PPDPFL: variants seen among roughly 807,000 people sequenced by gnomAD.
The protein encoded by PPDPFL is pancreatic progenitor cell differentiation and proliferation factor like, also known as pancreatic progenitor cell differentiation and proliferation factor-like protein.
PPDPFL carries 12 observed loss-of-function variants against 12.6 expected under a neutral mutation model. The ratio of observed to expected loss-of-function variants is 0.95; its 90% CI spans 0.61 to 1.54. The LOEUF is 1.54. PPDPFL is among the 40% of genes most tolerant of loss of function. The probability of loss-of-function intolerance (pLI) is 0.00; values close to 1 mark genes in which losing one functional copy is unlikely to be tolerated. For synonymous variants in PPDPFL, 24 were observed against 32.7 expected, an observed-to-expected ratio of 0.73 and a Z score of 0.91; for missense variants, 114 against 96.0, an observed-to-expected ratio of 1.19 and a Z score of -0.78.
chr8:49,074,871 T>C, intron 4 of PPDPFL: 1 of 1,390,796 alleles, frequency 7.2e-7, no homozygotes, highest in East Asian at 2.6e-5. Context: ...GACATTTGAA[T>C]GCCTAGTAAC....
At chr8:49,074,524 G>A in intron 4 of PPDPFL, 191 bp downstream of exon 4, 1 of 1,537,228 alleles carries the variant, frequency 6.5e-7, no homozygotes, top group East Asian at 2.4e-5. Flanking sequence ...CTGTCAGGAA[G>A]ATCATAGCAC....
chr8:49,061,997 G>A (rs1438945048), intron 1 of PPDPFL, among the ~76,000 whole-genome samples: 1 of 132,324 alleles, frequency 7.6e-6, no homozygotes, highest in African/African-American at 2.8e-5. Flanking sequence ...TTGCTTAAAA[G>A]GATGCACCAT....
intron 4 of PPDPFL, chr8:49,074,759 A>G (rs1307979462): frequency 1.4e-6 from 2 of 1,438,790 alleles, no homozygotes; most frequent in Non-Finnish European, 1.8e-6. Flanking sequence ...GACAGGTTGA[A>G]TTGGGAGTTT....
At chr8:49,057,681 C>T (rs1156982249) in intron 1 of PPDPFL, among the ~76,000 whole-genome samples, 1 of 152,054 alleles carries the variant, frequency 6.6e-6, no homozygotes, top group African/African-American at 2.4e-5. Context: ...TTTTAATGAT[C>T]AAGGGAAGTT....
At chr8:49,058,668 C>T (rs1175707762) in intron 1 of PPDPFL, among the ~76,000 whole-genome samples, 4 of 152,222 alleles carry the variant, frequency 2.6e-5, no homozygotes, top group East Asian at 1.9e-4. Flanking sequence ...GTTACTTCAG[C>T]GAAAAGTTTT....
chr8:49,061,297 G>T (rs1808198503), intron 1 of PPDPFL, among the ~76,000 whole-genome samples: 1 of 152,172 alleles, frequency 6.6e-6, no homozygotes. Flanking sequence ...AGGGAATTTG[G>T]ACACAGAGAC....
chr8:49,072,279 C>T (rs563529341), upstream of PPDPFL: 1 of 152,584 alleles, frequency 6.6e-6, no homozygotes, highest in East Asian at 1.9e-4. Context: ...TCCGAGTCAC[C>T]CACAGCTCAG....
At chr8:49,066,543 A>T (rs1808304097) in intron 1 of PPDPFL, among the ~76,000 whole-genome samples, 1 of 152,162 alleles carries the variant, frequency 6.6e-6, no homozygotes, top group South Asian at 2.1e-4. Context: ...GAAAAACAGG[A>T]TTTATCGGGA....
chr8:49,060,833 T>C (rs180913533), intron 1 of PPDPFL, among the ~76,000 whole-genome samples: 2 of 152,322 alleles, frequency 1.3e-5, no homozygotes, highest in African/African-American at 2.4e-5. Flanking sequence ...TAAACTTTTT[T>C]CCCTTAGCAT....
intron 4 of PPDPFL, 28 bp downstream of exon 4, chr8:49,074,361 C>T: frequency 5.6e-6 from 9 of 1,600,938 alleles, no homozygotes; most frequent in Non-Finnish European, 7.7e-6. Flanking sequence ...CTGGTAAGGG[C>T]AGTTCTTACT....
At chr8:49,066,879 T>C (rs538345303) in intron 1 of PPDPFL, among the ~76,000 whole-genome samples, 3 of 152,256 alleles carry the variant, frequency 2.0e-5, no homozygotes, top group Admixed American at 1.3e-4. Context: ...CCTCCTCCCG[T>C]GTCCTGGCTC....
At chr8:49,063,444 G>C (rs562686566) in intron 1 of PPDPFL, among the ~76,000 whole-genome samples, 25 of 152,310 alleles carry the variant, frequency 1.6e-4, no homozygotes, top group African/African-American at 5.8e-4. Context: ...AATGAGCTGG[G>C]CGTGGTGTCT....
rs1047605664 is a variant in PPDPFL at position 49,074,151 on chromosome 8, C to A, written c.133+15C>A. 2 of 1,606,076 alleles carry A rather than the reference C, an allele frequency of 1.2e-6. No homozygotes were observed. Among genetic ancestry groups the A allele is most frequent in the African/African-American group, 2.7e-5 (2 of 74,746 alleles). Reference sequence around the variant, plus strand: ...ACCACAGCAAGGTACTTAGTTATTTCTTTCAGTGTCATCCTTATTATTTCT... The same window carrying A: ...ACCACAGCAAGGTACTTAGTTATTTATTTCAGTGTCATCCTTATTATTTCT... On this transcript the variant is annotated intron_variant, in intron 3 of 4. Transcript: ENST00000522267.
intron 1 of PPDPFL, among the ~76,000 whole-genome samples, chr8:49,056,884 A>T (rs1356846336): frequency 1.3e-5 from 2 of 152,200 alleles, no homozygotes; most frequent in African/African-American, 4.8e-5. Context: ...GACATACAGT[A>T]GCCACTCATA....
At chr8:49,056,877 A>G (rs886701549) in intron 1 of PPDPFL, among the ~76,000 whole-genome samples, 2 of 152,348 alleles carry the variant, frequency 1.3e-5, no homozygotes, top group East Asian at 3.9e-4. Context: ...AGGGTGTGAC[A>G]TACAGTAGCC....
At chr8:49,073,756 G>C (rs939289376) in intron 2 of PPDPFL, among the ~76,000 whole-genome samples, 2 of 152,014 alleles carry the variant, frequency 1.3e-5, no homozygotes, top group African/African-American at 4.8e-5. Flanking sequence ...TCTTGGTCTT[G>C]TTCTTTCTTA....
intron 1 of PPDPFL, among the ~76,000 whole-genome samples, chr8:49,058,712 A>T (rs1808148862): frequency 6.6e-6 from 1 of 152,234 alleles, no homozygotes; most frequent in Non-Finnish European, 1.5e-5. Flanking sequence ...GCCAGATAAG[A>T]AAGACAACTG....
chr8:49,061,026 A>C (rs1808191916), intron 1 of PPDPFL, among the ~76,000 whole-genome samples: 1 of 152,004 alleles, frequency 6.6e-6, no homozygotes, highest in South Asian at 2.1e-4. Flanking sequence ...TCCTAGCAGT[A>C]GGGCTGGGCT....
In PPDPFL at chr8:49,074,327, C is replaced by A; in HGVS notation, c.227C>A (p.Ala76Asp). 1 of 1,613,592 alleles carries A rather than the reference C, an allele frequency of 6.2e-7. No homozygotes were observed. The highest frequency in any genetic ancestry group is 8.5e-7 in the Non-Finnish European group (1 of 1,179,508). The change falls in exon 4 of 5, where the codon GCT becomes GAT. Residue 76 changes from alanine (A) to aspartate (D), a missense_variant. Coordinates refer to ENST00000522267, the MANE Select transcript of PPDPFL (RefSeq NM_001256597.2). ...LSNVRIKDLS[A>D]TGLQMSTL ...AATGTGAGAATAAAAGATCTGTCTG[C>A]TACTGGGTGAGTTTTAGCCTTCTCT...
Sources: gnomAD v4.1 joint callset for allele counts (sites outside exome capture counted in the v4.1 genomes callset) on GRCh38, gnomAD v4.1.1 for gene constraint, MANE v1.5 for transcripts, NCBI Gene and HGNC (gene_info 2026-07-23, HGNC 2026-07-21) for gene names.